The following IPCEF1 variants were observed in gnomAD, a reference collection of about 807,000 sequenced individuals.
IPCEF1 encodes interactor protein for cytohesin exchange factors 1.
A neutral mutation model predicts 50.9 loss-of-function variants in IPCEF1; 31 were observed. The observed-to-expected ratio is 0.61, with a 90% CI of 0.46 to 0.82. The LOEUF is 0.82. Among genes scored for constraint, IPCEF1 ranks in the 40% least tolerant of loss-of-function variants. The pLI is 0.00. For missense variants in IPCEF1, 458 were observed against 514.0 expected (o/e 0.89, Z 1.05); for synonymous variants, 181 against 192.0 (o/e 0.94, Z 0.47).
At chr6:154,332,210 C>T (rs1267770206) in intron 1 of IPCEF1, among the ~76,000 whole-genome samples, 4 of 151,916 alleles carry the variant, frequency 2.6e-5, no homozygotes, top group Non-Finnish European at 5.9e-5. Flanking sequence ...ACTGAAATAT[C>T]AGGGATCATG....
chr6:154,348,976 C>T (rs144020156), intron 1 of IPCEF1, among the ~76,000 whole-genome samples: 11 of 152,298 alleles, frequency 7.2e-5, no homozygotes, highest in Non-Finnish European at 1.2e-4. Context: ...TTCATGTTTA[C>T]AGCCGTTTGC....
At chr6:154,270,400 A>G (rs1434007658) in intron 2 of IPCEF1, among the ~76,000 whole-genome samples, 1 of 152,202 alleles carries the variant, frequency 6.6e-6, no homozygotes, top group Non-Finnish European at 1.5e-5. Context: ...AACCAATAAT[A>G]GGATTAGAAT....
rs1798698107 is a variant in IPCEF1, at chr6:154,155,984, G to C, written c.*3844C>G. On this transcript the variant is annotated 3_prime_UTR_variant, in exon 12 of 12. Transcript: ENST00000367220. ...ACATGAAAAGCAATTAAGAGAAGAA[G>C]GTCAAAGGACCAACCTCTAATCACT... The C allele has an allele frequency of 6.6e-6, 1 of 152,096 alleles. No individual in the cohort carries two copies. Among genetic ancestry groups the C allele is most frequent in the Non-Finnish European group, 1.5e-5 (1 of 68,020 alleles). 9.4% of individuals were successfully genotyped at this position (152,096 alleles called of 1,614,324 possible). A position where few individuals can be genotyped will look rare whatever the true frequency, so the allele number is the denominator to read the frequency against.
rs143463267 is a variant in IPCEF1 at position 154,164,862 on chromosome 6, T to C, written c.1104+3058A>G. Reference sequence around the variant, plus strand: ...ATGAGCTGTTAGAAATTCCTAAATATCTGTATTTAGTGTACAACATAATAC... The same window carrying C: ...ATGAGCTGTTAGAAATTCCTAAATACCTGTATTTAGTGTACAACATAATAC... On this transcript the variant is annotated intron_variant, in intron 11 of 11. Transcript: ENST00000367220. Among the ~76,000 whole-genome samples, 26 of 152,318 alleles carry C rather than the reference T, an allele frequency of 1.7e-4. No homozygotes were observed. In the East Asian group the frequency reaches 3.3e-3, roughly 19 times the overall value.
chr6:154,244,051 A>T (rs1447807635), intron 5 of IPCEF1, among the ~76,000 whole-genome samples: 1 of 151,546 alleles, frequency 6.6e-6, no homozygotes, highest in Non-Finnish European at 1.5e-5. Context: ...TTGTAACCCA[A>T]GGTAGAATTA....
intron 1 of IPCEF1, among the ~76,000 whole-genome samples, chr6:154,304,048 G>T (rs2128676640): frequency 6.6e-6 from 1 of 151,330 alleles, no homozygotes; most frequent in South Asian, 2.1e-4. Context: ...AACATAAGAA[G>T]ATCCCACTTT....
chr6:154,203,221 C>A (rs2128595103), intron 9 of IPCEF1, among the ~76,000 whole-genome samples: 1 of 152,312 alleles, frequency 6.6e-6, no homozygotes, highest in South Asian at 2.1e-4. Flanking sequence ...CTCCTCTCCG[C>A]CCCACCTCTA....
intron 2 of IPCEF1, among the ~76,000 whole-genome samples, chr6:154,289,425 G>A (rs1024964766): frequency 4.0e-5 from 6 of 151,266 alleles, no homozygotes; most frequent in African/African-American, 1.5e-4. Flanking sequence ...TACTTTGATA[G>A]TCGTGGTATA....
Position 154,300,366 on chromosome 6 carries a change from T to G in IPCEF1, c.-61-10610A>C, listed in dbSNP as rs961986665. On this transcript the variant is annotated intron_variant, in intron 1 of 11. Transcript: ENST00000367220. ...ATGGCTCATGCCTGTAATCTCAGAA[T>G]TTTAGGAAGCTGAGGCAGGAGGATC... Among the ~76,000 whole-genome samples, 139 of 95,530 alleles carry G rather than the reference T, an allele frequency of 1.5e-3. 20 individuals carry two copies. The highest frequency in any genetic ancestry group is 4.6e-3 in the Middle Eastern group (1 of 216). The allele number at this position is 95,530 out of a possible 152,430, so 62.7% of individuals were successfully genotyped here.
At chr6:154,189,442 A>C (rs1361108879) in intron 10 of IPCEF1, among the ~76,000 whole-genome samples, 1 of 152,232 alleles carries the variant, frequency 6.6e-6, no homozygotes, top group Non-Finnish European at 1.5e-5. Flanking sequence ...AATTTTCATT[A>C]AGAGCATTTA....
chr6:154,352,060 A>G (rs1784128473), intron 1 of IPCEF1, among the ~76,000 whole-genome samples: 1 of 152,202 alleles, frequency 6.6e-6, no homozygotes, highest in Admixed American at 6.5e-5. Flanking sequence ...GAGTTGATCT[A>G]TGCAGCAAAC....
At chr6:154,302,221 A>G (rs1237952855) in intron 1 of IPCEF1, among the ~76,000 whole-genome samples, 1 of 152,224 alleles carries the variant, frequency 6.6e-6, no homozygotes, top group East Asian at 1.9e-4. Context: ...CCAGTAACAG[A>G]AACATTTATA....
rs539923328 is a variant in IPCEF1, at chr6:154,289,784, A to G, written c.-61-28T>C. The G allele has an allele frequency of 2.7e-5, 4 of 146,834 alleles. No homozygotes were observed. In the South Asian group the frequency reaches 8.7e-4, roughly 32 times the overall value. 9.1% of individuals were successfully genotyped at this position (146,834 alleles called of 1,614,324 possible). A position where few individuals can be genotyped will look rare whatever the true frequency, so the allele number is the denominator to read the frequency against. On this transcript the variant is annotated intron_variant, in intron 1 of 11. Coordinates refer to ENST00000367220, the MANE Select transcript of IPCEF1 (RefSeq NM_001130700.2). ...TTATGGAAAAAAAAAAAAAAAAAAG[A>G]GAGAGAGAGGAAAAAAAAGTGAGTC...
chr6:154,190,257 C>T (rs1412974280), intron 10 of IPCEF1, among the ~76,000 whole-genome samples: 1 of 151,684 alleles, frequency 6.6e-6, no homozygotes, highest in Admixed American at 6.6e-5. Flanking sequence ...TACAAAGATT[C>T]AAAAGAAAAC....
chr6:154,315,868 C>T (rs1346716919), intron 1 of IPCEF1, among the ~76,000 whole-genome samples: 1 of 152,070 alleles, frequency 6.6e-6, no homozygotes, highest in Non-Finnish European at 1.5e-5. Flanking sequence ...CACTCTGTCA[C>T]CCAGGCTGGA....
chr6:154,331,992 T>C (rs986529461), intron 1 of IPCEF1, among the ~76,000 whole-genome samples: 8 of 152,186 alleles, frequency 5.3e-5, no homozygotes, highest in African/African-American at 1.9e-4. Context: ...TCTGAAACTT[T>C]TTAATAAACT....
chr6:154,290,893 C>CTTTTT (rs3045866), intron 1 of IPCEF1, among the ~76,000 whole-genome samples: 31,922 of 126,800 alleles, frequency 0.25, 5,224 homozygotes, highest in Admixed American at 0.42. Flanking sequence ...AATATATTGC[C>CTTTTT]TTTTTTTTTT....
intron 2 of IPCEF1, among the ~76,000 whole-genome samples, chr6:154,287,912 C>A (rs1782403320): frequency 6.6e-6 from 1 of 152,134 alleles, no homozygotes; most frequent in Non-Finnish European, 1.5e-5. Flanking sequence ...AACAAAACAT[C>A]AAATTTTATG....
intron 5 of IPCEF1, among the ~76,000 whole-genome samples, chr6:154,229,037 T>G (rs1171087696): frequency 6.6e-6 from 1 of 152,212 alleles, no homozygotes; most frequent in Non-Finnish European, 1.5e-5. Context: ...TTTCCAAAAC[T>G]TTTTCCCTAT....
Sources: gnomAD v4.1 joint callset for allele counts (sites outside exome capture counted in the v4.1 genomes callset) on GRCh38, gnomAD v4.1.1 for gene constraint, MANE v1.5 for transcripts, NCBI Gene and HGNC (gene_info 2026-07-23, HGNC 2026-07-21) for gene names.